Variants in THEMIS observed in about 807,000 individuals in gnomAD.
THEMIS encodes the protein thymocyte selection associated.
Under a neutral mutation model 52.6 loss-of-function variants are expected in THEMIS, and 37 were observed. The observed-to-expected ratio is 0.70, with a 90% confidence interval of 0.54 to 0.93. THEMIS has a LOEUF of 0.93. THEMIS is among the 40% of genes least tolerant of loss of function. The pLI, the probability that THEMIS is intolerant of heterozygous loss-of-function variation, is 0.00. For synonymous variants in THEMIS, 292 were observed against 272.7 expected, an observed-to-expected ratio of 1.07 and a Z score of -0.70; for missense variants, 808 against 763.1, an observed-to-expected ratio of 1.06 and a Z score of -0.69.
intron 4 of THEMIS, among the ~76,000 whole-genome samples, chr6:127,783,115 C>A (rs1776804359): frequency 6.6e-6 from 1 of 152,050 alleles, no homozygotes; most frequent in African/African-American, 2.4e-5. Context: ...CTTTGACAAA[C>A]CTGACAAAAA....
At chr6:127,854,517 C>G (rs886880159) in intron 2 of THEMIS, among the ~76,000 whole-genome samples, 1 of 151,684 alleles carries the variant, frequency 6.6e-6, no homozygotes, top group African/African-American at 2.4e-5. Context: ...CAGCAAAAGT[C>G]TTCTAGATGG....
intron 1 of THEMIS, among the ~76,000 whole-genome samples, chr6:127,897,093 T>A (rs1780991231): frequency 6.6e-6 from 1 of 151,400 alleles, no homozygotes. Flanking sequence ...ACTGCACCAA[T>A]TGACTCTGTA....
upstream of THEMIS, among the ~76,000 whole-genome samples, chr6:127,905,862 A>G (rs1001601579): frequency 1.3e-4 from 19 of 151,670 alleles, no homozygotes; most frequent in Non-Finnish European, 2.1e-4. Flanking sequence ...AAAAGACGAG[A>G]AAGAAAAGAA....
At chr6:127,877,964 C>T (rs1390272046) in intron 1 of THEMIS, among the ~76,000 whole-genome samples, 2 of 152,166 alleles carry the variant, frequency 1.3e-5, no homozygotes, top group Admixed American at 6.5e-5. Context: ...TGCTAGTTCT[C>T]ATTTGAGATA....
chr6:127,794,038 T>G (rs1777246446), intron 4 of THEMIS, among the ~76,000 whole-genome samples: 1 of 152,108 alleles, frequency 6.6e-6, no homozygotes, highest in Non-Finnish European at 1.5e-5. Context: ...AGAACCCAGG[T>G]AGAAATAAGC....
chr6:127,897,358 G>C (rs1189978784), intron 1 of THEMIS, among the ~76,000 whole-genome samples: 1 of 151,294 alleles, frequency 6.6e-6, no homozygotes, highest in East Asian at 1.9e-4. Context: ...TGAAACTATA[G>C]ACTAAGAAAG....
intron 5 of THEMIS, among the ~76,000 whole-genome samples, chr6:127,717,299 T>G (rs1281082800): frequency 1.3e-5 from 2 of 151,916 alleles, no homozygotes; most frequent in Non-Finnish European, 2.9e-5. Context: ...TATAGCTACC[T>G]AATGGGGGAG....
intron 4 of THEMIS, among the ~76,000 whole-genome samples, chr6:127,739,867 G>C (rs1016725299): frequency 2.0e-5 from 3 of 149,698 alleles, no homozygotes; most frequent in African/African-American, 7.5e-5. Context: ...GTTCCACTAT[G>C]AATAGTCAAA....
At chr6:127,905,769 CAG>C (rs143642483), upstream of THEMIS, among the ~76,000 whole-genome samples, 433 of 151,762 alleles carry the variant, frequency 2.9e-3, 8 homozygotes, top group East Asian at 0.021. Flanking sequence ...TGTTTAATAT[CAG>C]AGTTAAATAA....
rs372178343 is a variant in THEMIS, at chr6:127,843,433, A to G, written c.250+11597T>C. Among the ~76,000 whole-genome samples the G allele has an allele frequency of 4.5e-4, 68 of 152,118 alleles. No homozygotes were observed. In the East Asian group the frequency reaches 0.011, roughly 24 times the overall value. On this transcript the variant is annotated intron_variant, in intron 2 of 5. Coordinates refer to ENST00000368248, the MANE Select transcript of THEMIS (RefSeq NM_001010923.3). ...ACTTGAATTTGGACAGTCTAAATTG[A>G]GATGTACTATAAGTGGAAAATATAT...
rs147570426 is a variant in THEMIS at position 127,824,598 on chromosome 6, T to TAA, written c.709+4876_709+4877dup. On this transcript the variant is annotated intron_variant, in intron 3 of 5. Transcript: ENST00000368248. The stretch of plus-strand genomic sequence containing the variant: ...TAATAAGAAATGATACACCAAAACT[T>TAA]AAAAAAAAAAGAACCCCAAAAGAGG... Among the ~76,000 whole-genome samples the TAA allele has an allele frequency of 3.0e-4, 45 of 148,270 alleles. No individual in the cohort carries two copies. The East Asian group carries it at 4.9e-3, about 16-fold the overall frequency.
At chr6:127,717,894 G>C (rs1774227135) in intron 5 of THEMIS, among the ~76,000 whole-genome samples, 1 of 151,244 alleles carries the variant, frequency 6.6e-6, no homozygotes, top group African/African-American at 2.4e-5. Flanking sequence ...GAGAATTTAG[G>C]AAATGACTGA....
At chr6:127,877,729 A>G (rs1444890335) in intron 1 of THEMIS, among the ~76,000 whole-genome samples, 1 of 152,262 alleles carries the variant, frequency 6.6e-6, no homozygotes, top group Non-Finnish European at 1.5e-5. Context: ...CTAATGAAAA[A>G]GTTTGAAATA....
intron 4 of THEMIS, among the ~76,000 whole-genome samples, chr6:127,775,396 G>T (rs1583262540): frequency 6.6e-6 from 1 of 152,252 alleles, no homozygotes; most frequent in East Asian, 1.9e-4. Flanking sequence ...TCTATTTGGG[G>T]TTACTTGTGA....
chr6:127,911,187 A>T lies in THEMIS; in HGVS notation c.-150+7241T>A, dbSNP rs145453491. On this transcript the variant is annotated intron_variant, in intron 1 of 6. Coordinates refer to the THEMIS transcript ENST00000368250. ...AGTGTTTGCCAAGTTTCTCCACAGTATTGTTACCTTTCCCCTCTTTTCACA... is the reference window on the plus strand; with the variant it reads ...AGTGTTTGCCAAGTTTCTCCACAGTTTTGTTACCTTTCCCCTCTTTTCACA... Among the ~76,000 whole-genome samples, 44 of 151,348 alleles carry T rather than the reference A, an allele frequency of 2.9e-4. 1 individual carries two copies. Among genetic ancestry groups the T allele is most frequent in the African/African-American group, 9.8e-4 (40 of 40,748 alleles).
Position 127,884,360 on chromosome 6 carries a change from A to T in THEMIS, c.91+16482T>A, listed in dbSNP as rs140851549. 1.1e-3 allele frequency among the ~76,000 whole-genome samples: 162 copies of T among 152,236 alleles called. 2 individuals are homozygous for T. The East Asian group carries it at 0.028, about 27-fold the overall frequency. ...AACTCTACCATTCCTTTTGCTTTAGATGTGCATTTTCAGCTATCTAATGTT... is the reference window on the plus strand; with the variant it reads ...AACTCTACCATTCCTTTTGCTTTAGTTGTGCATTTTCAGCTATCTAATGTT... On this transcript the variant is annotated intron_variant, in intron 1 of 5. Transcript: ENST00000368248.
At chr6:127,844,560 T>C (rs1779152766) in intron 2 of THEMIS, among the ~76,000 whole-genome samples, 2 of 151,818 alleles carry the variant, frequency 1.3e-5, no homozygotes, top group East Asian at 3.9e-4. Flanking sequence ...CCATATCATT[T>C]GGAGAAAATG....
intron 4 of THEMIS, among the ~76,000 whole-genome samples, chr6:127,731,547 G>T: frequency 6.7e-6 from 1 of 148,448 alleles, no homozygotes. Flanking sequence ...GAAATCTTCG[G>T]CATTTTTTTT....
intron 2 of THEMIS, among the ~76,000 whole-genome samples, chr6:127,852,220 A>T (rs960267156): frequency 6.6e-6 from 1 of 151,580 alleles, no homozygotes; most frequent in Admixed American, 6.6e-5. Context: ...TACCCCTACC[A>T]TCAGAGCCTG....
Sources: gnomAD v4.1 joint callset for allele counts (sites outside exome capture counted in the v4.1 genomes callset) on GRCh38, gnomAD v4.1.1 for gene constraint, MANE v1.5 for transcripts, NCBI Gene and HGNC (gene_info 2026-07-23, HGNC 2026-07-21) for gene names.